CNTNAP2: variants seen among roughly 807,000 people sequenced by gnomAD.
CNTNAP2 encodes the protein contactin-associated protein-like 2.
CNTNAP2 carries 98 observed loss-of-function variants against 155.2 expected under a neutral mutation model. The observed-to-expected ratio is 0.63, with a 90% CI of 0.54 to 0.75. CNTNAP2 has a LOEUF of 0.75. Ranked by LOEUF, CNTNAP2 falls within the 30% of genes least tolerant of loss-of-function variation. The pLI is 0.00. For missense variants in CNTNAP2, 1,727 were observed against 1,688.1 expected, an observed-to-expected ratio of 1.02 and a Z score of -0.40; for synonymous variants, 651 against 631.2, an observed-to-expected ratio of 1.03 and a Z score of -0.47.
chr7:148,174,939 G>A (rs574544128), intron 18 of CNTNAP2, among the ~76,000 whole-genome samples: 3 of 152,004 alleles, frequency 2.0e-5, no homozygotes, highest in Non-Finnish European at 4.4e-5. Flanking sequence ...CCCTGTGTGT[G>A]ATGTTCCCCT....
intron 1 of CNTNAP2, among the ~76,000 whole-genome samples, chr7:146,129,825 T>C (rs1205422906): frequency 6.6e-6 from 1 of 152,190 alleles, no homozygotes; most frequent in African/African-American, 2.4e-5. Flanking sequence ...TTTTATTGAA[T>C]AGGTATGACA....
At chr7:146,384,585 G>A (rs1396131318) in intron 1 of CNTNAP2, among the ~76,000 whole-genome samples, 1 of 152,070 alleles carries the variant, frequency 6.6e-6, no homozygotes, top group Non-Finnish European at 1.5e-5. Context: ...AAAGGTATTT[G>A]TTCTCCATGT....
At chr7:147,828,882 G>T (rs1237443832) in intron 13 of CNTNAP2, among the ~76,000 whole-genome samples, 1 of 152,140 alleles carries the variant, frequency 6.6e-6, no homozygotes, top group Non-Finnish European at 1.5e-5. Flanking sequence ...CAAAGGACTT[G>T]CAATCCTCCT....
At chr7:147,568,011 G>A (rs906781279) in intron 12 of CNTNAP2, among the ~76,000 whole-genome samples, 1 of 152,102 alleles carries the variant, frequency 6.6e-6, no homozygotes, top group Non-Finnish European at 1.5e-5. Flanking sequence ...ACTTGAACCC[G>A]GGGGGCAGAG....
intron 1 of CNTNAP2, among the ~76,000 whole-genome samples, chr7:146,428,767 G>C (rs548775257): frequency 1.3e-5 from 2 of 151,980 alleles, no homozygotes; most frequent in South Asian, 4.1e-4. Flanking sequence ...GATTCCACTT[G>C]TCAATTTTTG....
intron 1 of CNTNAP2, among the ~76,000 whole-genome samples, chr7:146,580,573 C>A (rs1236100419): frequency 6.6e-6 from 1 of 151,908 alleles, no homozygotes; most frequent in East Asian, 1.9e-4. Context: ...GAGCTCAAAG[C>A]CCAAACTATT....
chr7:146,184,712 G>A (rs796780886), intron 1 of CNTNAP2, among the ~76,000 whole-genome samples: 6 of 152,104 alleles, frequency 3.9e-5, no homozygotes, highest in Non-Finnish European at 7.3e-5. Flanking sequence ...AAGGAAATGC[G>A]TGTGGCTCAA....
chr7:146,680,217 T>C (rs1219817105), intron 1 of CNTNAP2, among the ~76,000 whole-genome samples: 6 of 152,166 alleles, frequency 3.9e-5, no homozygotes, highest in African/African-American at 1.4e-4. Context: ...TTGTGAGCAA[T>C]AGAATCAAGA....
intron 1 of CNTNAP2, among the ~76,000 whole-genome samples, chr7:146,581,366 A>T (rs1352655673): frequency 6.6e-6 from 1 of 152,144 alleles, no homozygotes; most frequent in Non-Finnish European, 1.5e-5. Context: ...TATTGCAATA[A>T]TATGCAATGC....
intron 12 of CNTNAP2, among the ~76,000 whole-genome samples, chr7:147,573,087 AT>A (rs1800325705): frequency 6.6e-6 from 1 of 152,212 alleles, no homozygotes; most frequent in Non-Finnish European, 1.5e-5. Context: ...ACTGGAAAAT[AT>A]TTAAAGTTTT....
At chr7:146,669,368 C>A (rs1051655253) in intron 1 of CNTNAP2, among the ~76,000 whole-genome samples, 3 of 151,982 alleles carry the variant, frequency 2.0e-5, no homozygotes, top group Non-Finnish European at 4.4e-5. Context: ...ACTTCTTTAC[C>A]CACTCTTAGA....
At chr7:146,881,058 A>G (rs1319367851) in intron 3 of CNTNAP2, among the ~76,000 whole-genome samples, 1 of 152,178 alleles carries the variant, frequency 6.6e-6, no homozygotes, top group African/African-American at 2.4e-5. Flanking sequence ...AATTATTGGC[A>G]TTGAGTAGAT....
At chr7:147,519,863 T>C (rs978268285) in intron 11 of CNTNAP2, among the ~76,000 whole-genome samples, 1 of 152,088 alleles carries the variant, frequency 6.6e-6, no homozygotes, top group African/African-American at 2.4e-5. Flanking sequence ...AGACTCCATC[T>C]CAAACAAAAA....
At chr7:147,789,410 C>G (rs998154087) in intron 13 of CNTNAP2, among the ~76,000 whole-genome samples, 1 of 152,178 alleles carries the variant, frequency 6.6e-6, no homozygotes, top group Non-Finnish European at 1.5e-5. Flanking sequence ...CCCCACTGCT[C>G]ACAATTCTCT....
chr7:148,272,586 G>A (rs535059444), intron 21 of CNTNAP2, among the ~76,000 whole-genome samples: 1 of 152,006 alleles, frequency 6.6e-6, no homozygotes, highest in Non-Finnish European at 1.5e-5. Context: ...TAGAAAGATG[G>A]GATAAAAATA....
intron 21 of CNTNAP2, among the ~76,000 whole-genome samples, chr7:148,336,691 CTTATATCA>C (rs1174714107): frequency 6.6e-6 from 1 of 152,192 alleles, no homozygotes; most frequent in Non-Finnish European, 1.5e-5. Flanking sequence ...TGCCATAGAA[CTTATATCA>C]AAAATAGACA....
At chr7:147,169,402 T>C (rs981084276) in intron 8 of CNTNAP2, among the ~76,000 whole-genome samples, 1 of 152,142 alleles carries the variant, frequency 6.6e-6, no homozygotes, top group African/African-American at 2.4e-5. Context: ...TTGTACCCAA[T>C]AGGTAGTTTT....
intron 10 of CNTNAP2, among the ~76,000 whole-genome samples, chr7:147,415,485 G>A (rs948801431): frequency 2.6e-5 from 4 of 152,040 alleles, no homozygotes; most frequent in African/African-American, 7.2e-5. Flanking sequence ...CTTTTTAAGC[G>A]GCTCTTCTTC....
At chr7:147,805,071 T>C (rs1234402437) in intron 13 of CNTNAP2, among the ~76,000 whole-genome samples, 2 of 148,190 alleles carry the variant, frequency 1.3e-5, no homozygotes, top group African/African-American at 5.0e-5. Flanking sequence ...AATGATTCAA[T>C]ATCATTTTTT....
Sources: allele counts gnomAD v4.1 joint callset (sites outside exome capture counted in the v4.1 genomes callset), GRCh38; gene constraint gnomAD v4.1.1; transcripts MANE v1.5; gene names NCBI Gene and HGNC (gene_info 2026-07-23, HGNC 2026-07-21).